The following LCORL variants were observed in gnomAD, a reference collection of about 807,000 sequenced individuals.
LCORL encodes the protein ligand dependent nuclear receptor corepressor like.
In LCORL, 41 loss-of-function variants were observed where a neutral mutation model predicts 141.8. The observed-to-expected ratio is 0.29, with a 90% confidence interval of 0.23 to 0.38. The LOEUF (loss-of-function observed/expected upper bound fraction) is 0.38, where lower values mean the gene tolerates loss of function less well. Ranked by LOEUF, LCORL falls within the 10% of genes least tolerant of loss-of-function variation. LCORL has a pLI of 1.00. For synonymous variants in LCORL, 618 were observed against 694.1 expected, an observed-to-expected ratio of 0.89 and a Z score of 1.72; for missense variants, 1,759 against 2,035.0, an observed-to-expected ratio of 0.86 and a Z score of 2.61.
intron 4 of LCORL, among the ~76,000 whole-genome samples, chr4:17,940,476 TAATA>T (rs1438696572): frequency 8.2e-6 from 1 of 121,580 alleles, no homozygotes; most frequent in East Asian, 2.4e-4. Flanking sequence ...GTAATATATG[TAATA>T]TATATGTATT....
At chr4:17,999,139 A>C (rs530033781) in intron 1 of LCORL, among the ~76,000 whole-genome samples, 1 of 150,974 alleles carries the variant, frequency 6.6e-6, no homozygotes, top group Middle Eastern at 3.4e-3. Context: ...TTGTACTAGC[A>C]TTACTACAAA....
intron 7 of LCORL, among the ~76,000 whole-genome samples, chr4:17,854,700 CA>C (rs1724152478): frequency 6.6e-6 from 1 of 151,672 alleles, no homozygotes; most frequent in African/African-American, 2.4e-5. Flanking sequence ...AAAACAAAAA[CA>C]AAAAACTTAG....
chr4:17,879,182 C>A (rs550752670), intron 6 of LCORL, among the ~76,000 whole-genome samples: 1 of 150,848 alleles, frequency 6.6e-6, no homozygotes, highest in African/African-American at 2.4e-5. Context: ...TGTTTAAATG[C>A]AGAATTATGC....
At chr4:17,932,588 C>A (rs1195784957) in intron 4 of LCORL, among the ~76,000 whole-genome samples, 1 of 152,170 alleles carries the variant, frequency 6.6e-6, no homozygotes, top group African/African-American at 2.4e-5. Context: ...CCAATGCTCA[C>A]AATCACTCCT....
intron 7 of LCORL, among the ~76,000 whole-genome samples, chr4:17,847,313 A>C (rs756395574): frequency 5.9e-5 from 9 of 152,190 alleles, no homozygotes; most frequent in South Asian, 4.1e-4. Flanking sequence ...TCTCATATTT[A>C]AGTGACTTGG....
At chr4:18,000,002 C>G (rs1721655210) in intron 1 of LCORL, among the ~76,000 whole-genome samples, 1 of 152,090 alleles carries the variant, frequency 6.6e-6, no homozygotes, top group Non-Finnish European at 1.5e-5. Context: ...ATGCCTGGCA[C>G]ATTAAAAACT....
chr4:17,996,668 G>A (rs1330781641), intron 1 of LCORL, among the ~76,000 whole-genome samples: 1 of 151,694 alleles, frequency 6.6e-6, no homozygotes, highest in Admixed American at 6.6e-5. Flanking sequence ...ATTTCCAGAG[G>A]CCTGACATAT....
intron 7 of LCORL, among the ~76,000 whole-genome samples, chr4:17,871,395 CA>C: frequency 6.6e-6 from 1 of 151,760 alleles, no homozygotes; most frequent in Admixed American, 6.6e-5. Context: ...TAAAACTGCC[CA>C]AAAGGATTTT....
intron 7 of LCORL, among the ~76,000 whole-genome samples, chr4:17,865,716 C>T (rs529545616): frequency 2.0e-5 from 3 of 152,304 alleles, no homozygotes; most frequent in South Asian, 4.1e-4. Context: ...AAGTGTACTT[C>T]CAGGTCCAGA....
intron 1 of LCORL, among the ~76,000 whole-genome samples, chr4:18,004,183 T>C (rs1301993793): frequency 6.6e-6 from 1 of 152,254 alleles, no homozygotes; most frequent in Non-Finnish European, 1.5e-5. Context: ...TTTCAGTCTA[T>C]ATATACTGAC....
In LCORL at chr4:17,884,144, T is replaced by C. The variant is rs1727971867; in HGVS notation, c.776+1924A>G. 1 of 1,550,778 alleles carries C rather than the reference T, an allele frequency of 6.4e-7. No homozygotes were observed. The highest frequency in any genetic ancestry group is 8.7e-7 in the Non-Finnish European group (1 of 1,146,368). ...TACAGGCCCAGAACATTCTATTTTGTTCTGTTTAGGGAGTATATTTTTCAG... is the reference window on the plus strand; with the variant it reads ...TACAGGCCCAGAACATTCTATTTTGCTCTGTTTAGGGAGTATATTTTTCAG... On this transcript the variant is annotated intron_variant, in intron 6 of 7. Transcript: ENST00000635767. The surrounding 1 kb of genome is among the most constrained non-coding windows in gnomAD (Gnocchi z 4.4).
At chr4:17,952,214 A>G (rs993655776) in intron 4 of LCORL, among the ~76,000 whole-genome samples, 1 of 152,112 alleles carries the variant, frequency 6.6e-6, no homozygotes, top group African/African-American at 2.4e-5. Context: ...AGCATTACCT[A>G]AACACAGACG....
At chr4:17,926,103 A>C (rs771328130) in intron 4 of LCORL, among the ~76,000 whole-genome samples, 2 of 152,108 alleles carry the variant, frequency 1.3e-5, no homozygotes, top group Admixed American at 6.5e-5. Context: ...TTATTACATT[A>C]CTGTCTTTAT....
At chr4:17,936,053 T>C (rs1482888520) in intron 4 of LCORL, among the ~76,000 whole-genome samples, 1 of 152,166 alleles carries the variant, frequency 6.6e-6, no homozygotes, top group Non-Finnish European at 1.5e-5. Context: ...CCTTTGGAAA[T>C]ACACATTAGA....
intron 4 of LCORL, chr4:17,911,860 C>A (rs531884221): frequency 8.6e-6 from 4 of 464,684 alleles, no homozygotes; most frequent in South Asian, 7.1e-5. Flanking sequence ...GTCCGGGGAC[C>A]TGGCCGTGGG....
intron 1 of LCORL, among the ~76,000 whole-genome samples, chr4:18,006,268 T>C (rs1043045247): frequency 2.0e-5 from 3 of 152,152 alleles, no homozygotes; most frequent in Non-Finnish European, 4.4e-5. Context: ...CCCCATCTGA[T>C]ACCACCTCAG....
intron 1 of LCORL, among the ~76,000 whole-genome samples, chr4:17,997,777 G>GT: frequency 7.3e-6 from 1 of 137,792 alleles, no homozygotes; most frequent in Non-Finnish European, 1.5e-5. Context: ...TACCATTATT[G>GT]TTTGTTTGTT....
intron 4 of LCORL, among the ~76,000 whole-genome samples, chr4:17,924,261 A>T (rs1006318138): frequency 3.3e-5 from 5 of 152,318 alleles, no homozygotes; most frequent in Non-Finnish European, 5.9e-5. Context: ...GGATAGGATG[A>T]CTTCTTCTGT....
chr4:18,017,421 T>C (rs987071881), intron 1 of LCORL, among the ~76,000 whole-genome samples: 1 of 152,116 alleles, frequency 6.6e-6, no homozygotes, highest in Non-Finnish European at 1.5e-5. Context: ...GGGATACATA[T>C]GAGGAATACC....
Sources: gnomAD v4.1 joint callset for allele counts (sites outside exome capture counted in the v4.1 genomes callset) on GRCh38, gnomAD v4.1.1 for gene constraint, Gnocchi (gnomAD v3.1) non-coding constraint, MANE v1.5 for transcripts, NCBI Gene and HGNC (gene_info 2026-07-23, HGNC 2026-07-21) for gene names.